Variants in PXK observed in about 807,000 individuals in gnomAD.
PXK encodes PX domain-containing protein kinase-like protein.
PXK carries 35 observed loss-of-function variants against 84.7 expected under a neutral mutation model. That is an observed-to-expected ratio of 0.41 (90% CI 0.32 to 0.55). The LOEUF is 0.55. PXK is among the 20% of genes least tolerant of loss of function. PXK has a pLI of 0.21. For missense variants in PXK, 634 were observed against 699.7 expected (o/e 0.91, Z 1.06); for synonymous variants, 253 against 260.8 (o/e 0.97, Z 0.29).
rs71311853 is a variant in PXK at position 58,333,425 on chromosome 3, C to T, written c.102+335C>T. 0.074 allele frequency: 25,354 copies of T among 343,054 alleles called. 1,242 individuals carry two copies. Among genetic ancestry groups the T allele is most frequent in the Middle Eastern group, 0.13 (273 of 2,096 alleles). The allele number at this position is 343,054 out of a possible 1,614,324, so 21.3% of individuals were successfully genotyped here. A position where few individuals can be genotyped will look rare whatever the true frequency, so the allele number is the denominator to read the frequency against. On this transcript the variant is annotated intron_variant, in intron 1 of 17. Coordinates refer to ENST00000356151, the MANE Select transcript of PXK (RefSeq NM_017771.5). The surrounding 1 kb of genome is among the most constrained non-coding windows in gnomAD (Gnocchi z 5.4). Reference sequence around the variant, plus strand: ...CCGGGCTCACCTTGGACTAGGGGAGCAGGAACGAGACCGCTCAGGACCATC... The same window carrying T: ...CCGGGCTCACCTTGGACTAGGGGAGTAGGAACGAGACCGCTCAGGACCATC...
intron 17 of PXK, chr3:58,422,742 C>T (rs2062100179): frequency 3.0e-6 from 3 of 985,418 alleles, no homozygotes; most frequent in Non-Finnish European, 3.6e-6. Flanking sequence ...CCCTACCCCT[C>T]AGCCCAGCCC....
At chr3:58,347,142 T>C (rs1240140033) in intron 1 of PXK, among the ~76,000 whole-genome samples, 1 of 151,922 alleles carries the variant, frequency 6.6e-6, no homozygotes, top group African/African-American at 2.4e-5. Context: ...TGCCCGGCCA[T>C]GTTCATTTTT....
At position 58,409,849 on chromosome 3, in the gene PXK, C is replaced by T. The variant is rs186326758; in HGVS notation, c.1395+231C>T. Among the ~76,000 whole-genome samples the T allele has an allele frequency of 5.3e-5, 8 of 151,978 alleles. No individual in the cohort carries two copies. Among genetic ancestry groups the T allele is most frequent in the East Asian group, 3.9e-4 (2 of 5,176 alleles). On this transcript the variant is annotated intron_variant, in intron 15 of 17. Coordinates refer to ENST00000356151, the MANE Select transcript of PXK (RefSeq NM_017771.5). The surrounding 1 kb of genome is among the most constrained non-coding windows in gnomAD (Gnocchi z 4.2). ...TCCTAGCTTGCTGGGCAGATTATGG[C>T]GTAATGTAATTGGAGGAAACGATTG...
chr3:58,378,919 A>C (rs2108723044), intron 3 of PXK, among the ~76,000 whole-genome samples: 1 of 150,996 alleles, frequency 6.6e-6, no homozygotes, highest in South Asian at 2.1e-4. Flanking sequence ...CTTTATTATT[A>C]TTATTAGTAG....
chr3:58,355,456 G>A lies in PXK; in HGVS notation c.103-10418G>A, dbSNP rs189049890. Among the ~76,000 whole-genome samples, 8 of 152,344 alleles carry A rather than the reference G, an allele frequency of 5.3e-5. No homozygotes were observed. The East Asian group carries it at 1.4e-3, about 26-fold the overall frequency. On this transcript the variant is annotated intron_variant, in intron 1 of 17. Coordinates refer to ENST00000356151, the MANE Select transcript of PXK (RefSeq NM_017771.5). ...GGTTTGCGTAAGTTTTGGCTTGAGC[G>A]ACTTAACACGTTTATTTCAAAGTAA... is the stretch of plus-strand genomic sequence containing the variant.
intron 2 of PXK, among the ~76,000 whole-genome samples, chr3:58,366,464 C>T (rs2108448374): frequency 6.6e-6 from 1 of 152,262 alleles, no homozygotes; most frequent in African/African-American, 2.4e-5. Context: ...ATCGAGAGGT[C>T]CTTCCCATCT....
rs563927728 is a variant in PXK at position 58,414,724 on chromosome 3, C to T, written c.1528+1761C>T. On this transcript the variant is annotated intron_variant, in intron 17 of 17. Transcript: ENST00000356151. The surrounding 1 kb of genome is among the most constrained non-coding windows in gnomAD (Gnocchi z 4.5). ...ATGAGAGGTTCCCAGCAAATATTGG[C>T]TCCTCCTTTCTTTTATCTCCTTAAT... 6.6e-6 allele frequency among the ~76,000 whole-genome samples: 1 copy of T among 152,212 alleles called. No homozygotes were observed. The highest frequency in any genetic ancestry group is 2.4e-5 in the African/African-American group (1 of 41,534).
At chr3:58,415,766 T>C (rs989365918) in intron 17 of PXK, among the ~76,000 whole-genome samples, 1 of 152,224 alleles carries the variant, frequency 6.6e-6, no homozygotes, top group Non-Finnish European at 1.5e-5. Flanking sequence ...AGCAAAATGC[T>C]CAAAAATCTG....
chr3:58,386,290 CTTTTTTTTTTTTTTT>C (rs752411806), intron 4 of PXK, among the ~76,000 whole-genome samples: 1 of 82,252 alleles, frequency 1.2e-5, no homozygotes, highest in African/African-American at 4.9e-5. Flanking sequence ...ATCCCCCTTA[CTTTTTTTTTTTTTTT>C]TTTTTTTTGA....
At chr3:58,375,615 T>C (rs1048608973) in intron 3 of PXK, among the ~76,000 whole-genome samples, 3 of 152,214 alleles carry the variant, frequency 2.0e-5, no homozygotes. Flanking sequence ...TTGCACTTTC[T>C]CTCCATGTCT....
intron 1 of PXK, among the ~76,000 whole-genome samples, chr3:58,357,877 G>A (rs1485678300): frequency 6.6e-6 from 1 of 151,876 alleles, no homozygotes; most frequent in Non-Finnish European, 1.5e-5. Context: ...ATGAACCCGG[G>A]AAGCAGAGGT....
intron 3 of PXK, among the ~76,000 whole-genome samples, chr3:58,381,359 C>T (rs1388712214): frequency 2.0e-5 from 3 of 150,786 alleles, no homozygotes; most frequent in Non-Finnish European, 4.4e-5. Flanking sequence ...ATGACAAAAG[C>T]AAAAACATCT....
At chr3:58,369,410 A>C (rs754709973) in intron 2 of PXK, 21 bp from the exon 3 acceptor site, 2 of 1,591,796 alleles carry the variant, frequency 1.3e-6, no homozygotes, top group Non-Finnish European at 1.7e-6. Context: ...GAATCAAAAC[A>C]CTACTTCTTG....
At chr3:58,386,710 A>T (rs1465582251) in intron 4 of PXK, among the ~76,000 whole-genome samples, 1 of 152,146 alleles carries the variant, frequency 6.6e-6, no homozygotes, top group African/African-American at 2.4e-5. Context: ...TTTAATGTCC[A>T]TGCAAAAGTC....
In PXK at chr3:58,390,760, G is replaced by A; in HGVS notation, c.466+101G>A. ...TATCCCAGGAACATGCTTAAATGCA[G>A]GTGACTTCTTTTTCTTTTTGCATAT... On this transcript the variant is annotated intron_variant, in intron 5 of 17. Transcript: ENST00000356151. The surrounding 1 kb of genome is among the most constrained non-coding windows in gnomAD (Gnocchi z 4.2). 1 of 1,134,916 alleles carries A rather than the reference G, an allele frequency of 8.8e-7. No individual in the cohort carries two copies. Among genetic ancestry groups the A allele is most frequent in the Non-Finnish European group, 1.3e-6 (1 of 799,008 alleles). 70.3% of individuals were successfully genotyped at this position (1,134,916 alleles called of 1,614,324 possible).
chr3:58,360,165 C>T (rs545261413), intron 1 of PXK, among the ~76,000 whole-genome samples: 1 of 152,230 alleles, frequency 6.6e-6, no homozygotes, highest in South Asian at 2.1e-4. Context: ...ATTTGTCACA[C>T]TACACAAGTC....
chr3:58,417,224 A>G (rs1480798388), intron 17 of PXK, among the ~76,000 whole-genome samples: 1 of 152,214 alleles, frequency 6.6e-6, no homozygotes, highest in African/African-American at 2.4e-5. Flanking sequence ...TTTCTAATCA[A>G]GCACACTCTA....
In PXK at chr3:58,370,436, C is replaced by T. The variant is rs1020573111; in HGVS notation, c.201+958C>T. On this transcript the variant is annotated intron_variant, in intron 3 of 17. Transcript: ENST00000356151. This position sits in a 1 kb window ranked among gnomAD's most constrained non-coding sequence, Gnocchi z 4.2. ...GCTGGTCTTCAAGTGCCTTGGATTA[C>T]TGAAGACTATTGTGCTCTTGTGTGT... Among the ~76,000 whole-genome samples the T allele has an allele frequency of 6.6e-6, 1 of 152,180 alleles. No homozygotes were observed. Among genetic ancestry groups the T allele is most frequent in the Non-Finnish European group, 1.5e-5 (1 of 68,040 alleles).
chr3:58,378,775 A>AT (rs1013111124), intron 3 of PXK, among the ~76,000 whole-genome samples: 2 of 151,944 alleles, frequency 1.3e-5, no homozygotes, highest in African/African-American at 4.8e-5. Context: ...ACTTCAGGTG[A>AT]TTCGCCTGCC....
Sources: allele counts gnomAD v4.1 joint callset (sites outside exome capture counted in the v4.1 genomes callset), GRCh38; gene constraint gnomAD v4.1.1; non-coding constraint Gnocchi (gnomAD v3.1); transcripts MANE v1.5; gene names NCBI Gene and HGNC (gene_info 2026-07-23, HGNC 2026-07-21).